Variants in ZNF518A observed in about 807,000 individuals in gnomAD.
ZNF518A encodes the protein zinc finger protein 518.
ZNF518A carries 47 observed loss-of-function variants against 102.7 expected under a neutral mutation model. The observed-to-expected ratio is 0.46, with a 90% confidence interval of 0.36 to 0.58. The LOEUF is 0.58. Ranked by LOEUF, ZNF518A falls within the 20% of genes least tolerant of loss-of-function variation. The pLI, the probability that ZNF518A is intolerant of heterozygous loss-of-function variation, is 0.00. For missense variants in ZNF518A, 1,793 were observed against 1,699.8 expected (o/e 1.05, Z -0.96); for synonymous variants, 652 against 594.6 (o/e 1.10, Z -1.40).
intron 3 of ZNF518A, among the ~76,000 whole-genome samples, chr10:96,154,870 C>A (rs1466941162): frequency 2.6e-5 from 4 of 152,064 alleles, no homozygotes; most frequent in African/African-American, 9.7e-5. Flanking sequence ...TATTATAGAT[C>A]TCTTAATATG....
In ZNF518A at chr10:96,158,155, C is replaced by T. The variant is rs782800893; in HGVS notation, c.1833C>T (p.Asn611=). The part of the protein sequence containing the change: ...VNCVAKPNAY[N]SGDMHNYCIN... Reference sequence around the variant, plus strand: ...GTGTTGCCAAACCAAATGCATACAACAGTGGAGATATGCATAATTATTGCA... The same window carrying T: ...GTGTTGCCAAACCAAATGCATACAATAGTGGAGATATGCATAATTATTGCA... Residue 611 remains asparagine (N), a synonymous_variant, in exon 6 of 6, where the codon AAC becomes AAT. Transcript: ENST00000316045. The T allele has an allele frequency of 4.8e-5, 77 of 1,613,482 alleles. No individual in the cohort carries two copies. The highest frequency in any genetic ancestry group is 6.6e-5 in the South Asian group (6 of 91,064).
At chr10:96,148,725 A>AT (rs1281229549) in intron 3 of ZNF518A, among the ~76,000 whole-genome samples, 6 of 151,828 alleles carry the variant, frequency 4.0e-5, no homozygotes, top group African/African-American at 9.7e-5. Context: ...AAGCTCCAGA[A>AT]TTTTTTTTGA....
intron 1 of ZNF518A, among the ~76,000 whole-genome samples, chr10:96,195,311 TATA>T (rs1265943007): frequency 5.3e-5 from 8 of 152,202 alleles, no homozygotes; most frequent in Admixed American, 2.0e-4. Context: ...CACTTCTGGG[TATA>T]TACCCCCAAA....
chr10:96,186,193 C>T (rs2083270860), intron 1 of ZNF518A, among the ~76,000 whole-genome samples: 1 of 152,156 alleles, frequency 6.6e-6, no homozygotes, highest in African/African-American at 2.4e-5. Context: ...GAGGCAATGC[C>T]CCACCCTGCT....
intron 3 of ZNF518A, among the ~76,000 whole-genome samples, chr10:96,141,377 A>G (rs1253248036): frequency 6.6e-6 from 1 of 152,210 alleles, no homozygotes. Flanking sequence ...TTTGAAAGGA[A>G]GTTTGAATAG....
chr10:96,170,650 T>C (rs1170204833), intron 1 of ZNF518A, among the ~76,000 whole-genome samples: 1 of 152,230 alleles, frequency 6.6e-6, no homozygotes, highest in Non-Finnish European at 1.5e-5. Context: ...GACAGTTTGT[T>C]TGCCAGACTT....
intron 3 of ZNF518A, among the ~76,000 whole-genome samples, chr10:96,148,873 A>G (rs1006351598): frequency 3.3e-5 from 5 of 151,694 alleles, no homozygotes; most frequent in Non-Finnish European, 5.9e-5. Context: ...CCACCACCAC[A>G]CCCGGCTAAT....
chr10:96,151,032 T>C (rs587638614), intron 3 of ZNF518A, among the ~76,000 whole-genome samples: 44 of 152,088 alleles, frequency 2.9e-4, no homozygotes, highest in Non-Finnish European at 5.4e-4. Flanking sequence ...GGATTACAGG[T>C]GTGAGCCAGC....
intron 3 of ZNF518A, among the ~76,000 whole-genome samples, chr10:96,144,375 A>AT (rs2133391615): frequency 6.6e-6 from 1 of 152,262 alleles, no homozygotes; most frequent in Admixed American, 6.5e-5. Flanking sequence ...TTTCTGTATA[A>AT]TTTCATGTGG....
At chr10:96,152,858 T>C (rs1410416368) in intron 3 of ZNF518A, among the ~76,000 whole-genome samples, 1 of 152,232 alleles carries the variant, frequency 6.6e-6, no homozygotes, top group Non-Finnish European at 1.5e-5. Context: ...AGGTTCATTG[T>C]TGGCCAAAAC....
rs1369850547 is a variant in ZNF518A, at chr10:96,161,360, G to A, written c.*586G>A. On this transcript the variant is annotated 3_prime_UTR_variant, in exon 6 of 6. Transcript: ENST00000316045. ...TCATACAATGCTTGAAGAGTTTTTG[G>A]CAAGTAAATTTTTTTTCCAGTTGAA... is the stretch of plus-strand genomic sequence containing the variant. The A allele has an allele frequency of 6.0e-6, 1 of 166,872 alleles. No individual in the cohort carries two copies. Among genetic ancestry groups the A allele is most frequent in the Non-Finnish European group, 1.5e-5 (1 of 68,032 alleles). The allele number at this position is 166,872 out of a possible 1,614,324, so 10.3% of individuals were successfully genotyped here.
intron 1 of ZNF518A, among the ~76,000 whole-genome samples, chr10:96,178,320 T>C (rs1486078633): frequency 1.3e-5 from 2 of 152,066 alleles, no homozygotes; most frequent in African/African-American, 2.4e-5. Context: ...AATTCCTGAA[T>C]ACATGGAAAT....
At chr10:96,168,597 A>G (rs781819944), downstream of ZNF518A, among the ~76,000 whole-genome samples, 3 of 152,180 alleles carry the variant, frequency 2.0e-5, no homozygotes, top group Non-Finnish European at 2.9e-5. Flanking sequence ...TGTTTAAAAG[A>G]ATAGCTTTGC....
At chr10:96,152,725 C>T (rs1363995658) in intron 3 of ZNF518A, among the ~76,000 whole-genome samples, 5 of 152,116 alleles carry the variant, frequency 3.3e-5, no homozygotes, top group African/African-American at 9.7e-5. Context: ...ACCTGTATAG[C>T]GTATTACTGT....
At chr10:96,141,877 A>T (rs1554876650) in intron 3 of ZNF518A, among the ~76,000 whole-genome samples, 1 of 151,794 alleles carries the variant, frequency 6.6e-6, no homozygotes, top group Non-Finnish European at 1.5e-5. Context: ...GTGCCTGAGA[A>T]TACAGGCACA....
chr10:96,200,135 T>C lies in ZNF518A; in HGVS notation n.36-3439T>C, dbSNP rs1554895729. On this transcript the variant is annotated intron_variant and non_coding_transcript_variant, in intron 1 of 2. Coordinates refer to the ZNF518A transcript ENST00000442635. The surrounding 1 kb of genome is among the most constrained non-coding windows in gnomAD (Gnocchi z 4.3). ...TTCGATCACAGGCTCCAGCATACCA[T>C]GGCTTGCAGAGAACGCCAGCTTCCT... 3 of 1,614,148 alleles carry C rather than the reference T, an allele frequency of 1.9e-6. No individual in the cohort carries two copies. Among genetic ancestry groups the C allele is most frequent in the South Asian group, 1.1e-5 (1 of 91,068 alleles).
At chr10:96,153,928 A>G (rs999410782) in intron 3 of ZNF518A, among the ~76,000 whole-genome samples, 2 of 152,160 alleles carry the variant, frequency 1.3e-5, no homozygotes, top group Admixed American at 1.3e-4. Context: ...ATTATTAGAG[A>G]AGGAAAAGCT....
chr10:96,163,029 A>C lies in ZNF518A; in HGVS notation c.*2255A>C, dbSNP rs1415377333. On this transcript the variant is annotated 3_prime_UTR_variant, in exon 6 of 6. Coordinates refer to ENST00000316045, the MANE Select transcript of ZNF518A (RefSeq NM_001330736.2). ...GTTTGTTACATATAGATCTGTTATG[A>C]GACATCACCTGCTGTAAATAGCAAG... The C allele has an allele frequency of 3.6e-5, 6 of 167,004 alleles. No individual in the cohort carries two copies. The highest frequency in any genetic ancestry group is 3.3e-4 in the Admixed American group (5 of 15,272). The allele number at this position is 167,004 out of a possible 1,614,324, so 10.3% of individuals were successfully genotyped here.
At position 96,156,561 on chromosome 10, in the gene ZNF518A, C is replaced by T; in HGVS notation, c.239C>T (p.Thr80Ile). 1.2e-6 allele frequency: 2 copies of T among 1,613,128 alleles called. No individual in the cohort carries two copies. The highest frequency in any genetic ancestry group is 1.7e-6 in the Non-Finnish European group (2 of 1,179,554). The change falls in exon 6 of 6, where the codon ACT becomes ATT. Residue 80 changes from threonine (T) to isoleucine (I), a missense_variant. Coordinates refer to ENST00000316045, the MANE Select transcript of ZNF518A (RefSeq NM_001330736.2). ...AAATTATTTCAGAGTAAACAGCAGA[C>T]TGCAAGAAAATCTATCAGTATAAAG... ...YRKLFQSKQQ[T>I]ARKSISIKTV... is the part of the protein sequence containing the mutation.
Sources: allele counts gnomAD v4.1 joint callset (sites outside exome capture counted in the v4.1 genomes callset), GRCh38; gene constraint gnomAD v4.1.1; non-coding constraint Gnocchi (gnomAD v3.1); transcripts MANE v1.5; gene names NCBI Gene and HGNC (gene_info 2026-07-23, HGNC 2026-07-21).